The following CEP162 variants were observed in gnomAD, a reference collection of about 807,000 sequenced individuals.
CEP162 encodes the protein centrosomal protein 162, also known as centrosomal protein of 162 kDa.
In CEP162, 141 loss-of-function variants were observed where a neutral mutation model predicts 169.2. The ratio of observed to expected loss-of-function variants is 0.83; its 90% confidence interval spans 0.73 to 0.96. The LOEUF (loss-of-function observed/expected upper bound fraction) is 0.96. CEP162 is among the 40% of genes least tolerant of loss of function. CEP162 has a pLI of 0.00. For missense variants in CEP162, 1,600 were observed against 1,587.2 expected, an observed-to-expected ratio of 1.01 and a Z score of -0.14; for synonymous variants, 540 against 526.4, an observed-to-expected ratio of 1.03 and a Z score of -0.35.
chr6:84,221,151 T>C lies in CEP162; in HGVS notation c.78A>G (p.Glu26=). ...FMKELSDDSF[E]NSDKTARQSK... is the part of the protein sequence containing the mutation. ...ATTGTCTAGCTGTTTTGTCTGAATT[T>C]TCAAAAGAATCATCTGAAAGCTGAA... Residue 26 remains glutamate, a synonymous_variant, in exon 3 of 27, where the codon GAA becomes GAG. Coordinates refer to ENST00000403245, the MANE Select transcript of CEP162 (RefSeq NM_014895.4). 1 of 1,562,112 alleles carries C rather than the reference T, an allele frequency of 6.4e-7. No individual in the cohort carries two copies. The highest frequency in any genetic ancestry group is 1.1e-5 in the South Asian group (1 of 89,704).
At chr6:84,184,236 G>A (rs1428189426) in intron 13 of CEP162, among the ~76,000 whole-genome samples, 1 of 152,050 alleles carries the variant, frequency 6.6e-6, no homozygotes, top group Non-Finnish European at 1.5e-5. Flanking sequence ...CTTTCTTAAT[G>A]TCATACAAAC....
chr6:84,127,487 A>G (rs2099509418), intron 25 of CEP162, among the ~76,000 whole-genome samples: 1 of 152,118 alleles, frequency 6.6e-6, no homozygotes, highest in African/African-American at 2.4e-5. Flanking sequence ...GTTTGCAGAG[A>G]GCTCAGGGAG....
rs183892398 is a variant in CEP162, at chr6:84,214,617, C to T, written c.503+665G>A. ...AACCATCCTGCAGAGCCTAGGCACT[C>T]TAATAATCAGAGATTATGATTCTCC... On this transcript the variant is annotated intron_variant, in intron 5 of 26. Transcript: ENST00000403245. 2.2e-4 allele frequency among the ~76,000 whole-genome samples: 33 copies of T among 152,312 alleles called. No homozygotes were observed. The East Asian group carries it at 6.2e-3, about 28-fold the overall frequency.
At chr6:84,224,483 T>G (rs1426547220) in intron 2 of CEP162, among the ~76,000 whole-genome samples, 7 of 152,296 alleles carry the variant, frequency 4.6e-5, no homozygotes, top group Admixed American at 2.0e-4. Context: ...GTTACATAAC[T>G]CTGAAACCAC....
chr6:84,163,356 A>G (rs2129210738), intron 18 of CEP162, 86 bp from the exon 19 acceptor site: 1 of 951,884 alleles, frequency 1.1e-6, no homozygotes, highest in Non-Finnish European at 1.6e-6. Flanking sequence ...CATCATGAAC[A>G]CTACGGCAAA....
At chr6:84,186,833 A>G (rs2099537392) in intron 11 of CEP162, among the ~76,000 whole-genome samples, 1 of 152,214 alleles carries the variant, frequency 6.6e-6, no homozygotes, top group Admixed American at 6.5e-5. Context: ...AATAATTTTA[A>G]TGCAGTATAA....
At chr6:84,202,709 T>C (rs897575382) in intron 7 of CEP162, among the ~76,000 whole-genome samples, 1 of 151,798 alleles carries the variant, frequency 6.6e-6, no homozygotes, top group African/African-American at 2.4e-5. Flanking sequence ...TTTGTATTTT[T>C]AGTAGAGAAG....
At chr6:84,196,774 G>A (rs1296585597) in intron 9 of CEP162, among the ~76,000 whole-genome samples, 1 of 152,150 alleles carries the variant, frequency 6.6e-6, no homozygotes, top group Non-Finnish European at 1.5e-5. Flanking sequence ...AGATAGCCAA[G>A]TGGTACATAT....
Position 84,215,903 on chromosome 6 carries a change from C to T in CEP162, c.192G>A (p.Val64=). 1 of 1,568,928 alleles carries T rather than the reference C, an allele frequency of 6.4e-7. No individual in the cohort carries two copies. Among genetic ancestry groups the T allele is most frequent in the South Asian group, 1.2e-5 (1 of 85,204 alleles). Residue 64 remains valine, a synonymous_variant, in exon 4 of 27, where the codon GTG becomes GTA. Transcript: ENST00000403245. ...AAGTCTTCTTTGTTTTCAAATAGCT[C>T]ACATTTGTTCCAAGAAGTCCTAGGT... ...FKDDGLLGTN[V]SYLKTKKTSQ... is the part of the protein sequence containing the mutation.
intron 5 of CEP162, 148 bp downstream of exon 5, chr6:84,215,134 C>A: frequency 2.2e-6 from 1 of 456,286 alleles, no homozygotes; most frequent in Non-Finnish European, 3.7e-6. Flanking sequence ...AAGAAAAACC[C>A]TAACTATAAA....
At chr6:84,131,376 G>C (rs1027827106) in intron 25 of CEP162, among the ~76,000 whole-genome samples, 1 of 152,192 alleles carries the variant, frequency 6.6e-6, no homozygotes. Context: ...TTGGTGCAGA[G>C]CTGAGTTCAA....
At chr6:84,173,101 C>A (rs1196414900) in intron 16 of CEP162, among the ~76,000 whole-genome samples, 3 of 152,096 alleles carry the variant, frequency 2.0e-5, no homozygotes, top group African/African-American at 4.8e-5. Context: ...ATAGCAAAAC[C>A]AGCCAATACT....
At chr6:84,155,230 G>A (rs1309011857) in intron 22 of CEP162, 68 bp downstream of exon 22, 1 of 1,172,834 alleles carries the variant, frequency 8.5e-7, no homozygotes, top group Non-Finnish European at 1.2e-6. Flanking sequence ...GTTAAAGTGA[G>A]ATCCTAAGAA....
chr6:84,128,309 A>T (rs956147119), intron 25 of CEP162, among the ~76,000 whole-genome samples: 3 of 152,216 alleles, frequency 2.0e-5, no homozygotes, highest in Admixed American at 6.5e-5. Flanking sequence ...CATATATTTT[A>T]AAAATCCTTG....
intron 25 of CEP162, among the ~76,000 whole-genome samples, chr6:84,137,310 C>G (rs752107909): frequency 3.3e-5 from 5 of 152,130 alleles, no homozygotes; most frequent in African/African-American, 1.2e-4. Context: ...CTTGAACATG[C>G]TAGCGAGCCT....
intron 7 of CEP162, 45 bp from the exon 8 acceptor site, chr6:84,201,812 T>C (rs973545564): frequency 2.0e-6 from 2 of 988,276 alleles, no homozygotes; most frequent in Non-Finnish European, 3.0e-6. Flanking sequence ...AAACCAAAAT[T>C]ATGTAAAATT....
intron 21 of CEP162, among the ~76,000 whole-genome samples, chr6:84,157,991 T>C (rs1562023931): frequency 6.6e-6 from 1 of 152,210 alleles, no homozygotes; most frequent in Admixed American, 6.5e-5. Flanking sequence ...AAGGACTGGA[T>C]ACTTTTCATT....
In CEP162 at chr6:84,186,610, C is replaced by A. The variant is rs2099537265; in HGVS notation, c.1123G>T (p.Ala375Ser). 6.2e-7 allele frequency: 1 copy of A among 1,602,144 alleles called. No individual in the cohort carries two copies. Among genetic ancestry groups the A allele is most frequent in the Non-Finnish European group, 8.5e-7 (1 of 1,175,274 alleles). ...DLQPVSSEKV[A>S]ERKETEFFSS... ...AAAAATTCAGTTTCTTTTCTTTCGG[C>A]CACTTTCTCAGAGCTATAAAACAAA... The change falls in exon 12 of 27, where the codon GCC becomes TCC. Residue 375 changes from alanine (A) to serine (S), a missense_variant. Coordinates refer to ENST00000403245, the MANE Select transcript of CEP162 (RefSeq NM_014895.4).
intron 9 of CEP162, 107 bp from the exon 10 acceptor site, chr6:84,195,182 A>G: frequency 1.1e-6 from 1 of 929,366 alleles, no homozygotes; most frequent in Non-Finnish European, 1.6e-6. Flanking sequence ...AAGTAGAGTT[A>G]AGTACTAACT....
Sources: allele counts gnomAD v4.1 joint callset (sites outside exome capture counted in the v4.1 genomes callset), GRCh38; gene constraint gnomAD v4.1.1; transcripts MANE v1.5; gene names NCBI Gene and HGNC (gene_info 2026-07-23, HGNC 2026-07-21).